ARID2: variants seen among roughly 807,000 people sequenced by gnomAD.
ARID2 encodes AT-rich interaction domain 2.
In ARID2, 32 loss-of-function variants were observed where a neutral mutation model predicts 184.6. The ratio of observed to expected loss-of-function variants is 0.17; its 90% CI spans 0.13 to 0.23. The LOEUF (loss-of-function observed/expected upper bound fraction) is 0.23, where lower values mean the gene tolerates loss of function less well. Ranked by LOEUF, ARID2 falls within the 10% of genes least tolerant of loss-of-function variation. The probability of loss-of-function intolerance (pLI) is 1.00; values close to 1 mark genes in which losing one functional copy is unlikely to be tolerated. For missense variants in ARID2, 1,696 were observed against 2,197.6 expected (o/e 0.77, Z 4.56); for synonymous variants, 836 against 772.6 (o/e 1.08, Z -1.36).
chr12:45,837,058 T>C (rs2138129207), intron 8 of ARID2, 67 bp downstream of exon 8: 6 of 1,540,618 alleles, frequency 3.9e-6, no homozygotes, highest in Non-Finnish European at 5.2e-6. Flanking sequence ...AATTTTAGGA[T>C]GTGGCATTTT....
chr12:45,796,257 A>C (rs1435073231), intron 3 of ARID2, among the ~76,000 whole-genome samples: 2 of 151,870 alleles, frequency 1.3e-5, no homozygotes, highest in Non-Finnish European at 2.9e-5. Context: ...TTTTTTTCTA[A>C]TTTTTACATA....
At chr12:45,748,161 G>C (rs1257918656) in intron 3 of ARID2, among the ~76,000 whole-genome samples, 1 of 152,172 alleles carries the variant, frequency 6.6e-6, no homozygotes, top group Non-Finnish European at 1.5e-5. Context: ...CCAGGAGTTT[G>C]AGACAACCTA....
intron 20 of ARID2, 60 bp from the exon 21 acceptor site, chr12:45,904,874 T>A: frequency 6.3e-7 from 1 of 1,578,248 alleles, no homozygotes; most frequent in Non-Finnish European, 8.6e-7. Context: ...GCAAAATTCA[T>A]GATAAAGAGT....
intron 3 of ARID2, among the ~76,000 whole-genome samples, chr12:45,743,380 G>T (rs1941299375): frequency 6.6e-6 from 1 of 151,840 alleles, no homozygotes; most frequent in Non-Finnish European, 1.5e-5. Flanking sequence ...AAAAAAAAGA[G>T]AGACAAATTT....
intron 3 of ARID2, among the ~76,000 whole-genome samples, chr12:45,771,425 G>T (rs1941874245): frequency 6.6e-6 from 1 of 151,450 alleles, no homozygotes; most frequent in African/African-American, 2.4e-5. Context: ...AGTACCTTGG[G>T]AAGTTGAGGC....
At chr12:45,800,391 A>C (rs909788276) in intron 3 of ARID2, among the ~76,000 whole-genome samples, 4 of 152,186 alleles carry the variant, frequency 2.6e-5, no homozygotes, top group African/African-American at 9.7e-5. Context: ...TTTATTGAGA[A>C]TAACATGAGC....
chr12:45,904,399 GT>G, intron 20 of ARID2: 1 of 711,324 alleles, frequency 1.4e-6, no homozygotes. Flanking sequence ...ATTTAGAAAG[GT>G]ACTATGGAGA....
At chr12:45,752,030 TAGC>T (rs1438648137) in intron 3 of ARID2, among the ~76,000 whole-genome samples, 6 of 152,208 alleles carry the variant, frequency 3.9e-5, no homozygotes, top group Non-Finnish European at 2.9e-5. Context: ...GGACTTTAAT[TAGC>T]AGAGACCTCA....
rs768616829 is a variant in ARID2 at position 45,852,573 on chromosome 12, A to G, written c.4450A>G (p.Ile1484Val). The stretch of plus-strand genomic sequence containing the variant: ...CTCTGTTATACAGGGACATCAAATC[A>G]TAGCAGTTCCCGACTCAGGATCAAA... ...TTSVIQGHQI[I>V]AVPDSGSKVS... The change falls in exon 15 of 21, where the codon ATA becomes GTA. Residue 1484 changes from isoleucine to valine, a missense_variant. By Grantham distance (29) the Ile-to-Val change is conservative. Transcript: ENST00000334344. 4.3e-6 allele frequency: 7 copies of G among 1,614,064 alleles called. No individual in the cohort carries two copies. Among genetic ancestry groups the G allele is most frequent in the South Asian group, 2.2e-5 (2 of 91,094 alleles).
At chr12:45,879,819 ATG>A (rs929185007) in intron 16 of ARID2, among the ~76,000 whole-genome samples, 1 of 152,190 alleles carries the variant, frequency 6.6e-6, no homozygotes, top group Non-Finnish European at 1.5e-5. Context: ...TGTATAAATA[ATG>A]TGTGATTGTA....
intron 20 of ARID2, among the ~76,000 whole-genome samples, chr12:45,899,415 T>C (rs572183164): frequency 3.8e-4 from 56 of 145,728 alleles, no homozygotes; most frequent in East Asian, 1.2e-3. Context: ...CCATCCTGGC[T>C]AACACAGTGA....
intron 3 of ARID2, among the ~76,000 whole-genome samples, chr12:45,760,594 A>G (rs1941657775): frequency 6.6e-6 from 1 of 151,934 alleles, no homozygotes; most frequent in African/African-American, 2.4e-5. Context: ...GACTGTATAT[A>G]TGTGTATCTA....
At chr12:45,779,294 A>G (rs1942044662) in intron 3 of ARID2, among the ~76,000 whole-genome samples, 1 of 152,118 alleles carries the variant, frequency 6.6e-6, no homozygotes, top group Non-Finnish European at 1.5e-5. Context: ...CACTGATCCA[A>G]TTTAACATCC....
At position 45,905,163 on chromosome 12, in the gene ARID2, G is replaced by A. The variant is rs1944508275; in HGVS notation, c.*85G>A. The stretch of plus-strand genomic sequence containing the variant: ...CTGAAGAAAGCACCAAGTCTTAATG[G>A]AACAAAGACCATAGAATGAATTATT... On this transcript the variant is annotated 3_prime_UTR_variant, in exon 21 of 21. Coordinates refer to ENST00000334344, the MANE Select transcript of ARID2 (RefSeq NM_152641.4). The A allele has an allele frequency of 4.4e-6, 6 of 1,361,132 alleles. No homozygotes were observed. In the South Asian group the frequency reaches 7.4e-5, roughly 17 times the overall value. 84.3% of individuals were successfully genotyped at this position (1,361,132 alleles called of 1,614,324 possible).
In ARID2 at chr12:45,851,405, C is replaced by T. The variant is rs1257251491; in HGVS notation, c.3282C>T (p.Ser1094=). The part of the protein sequence containing the change: ...IPPPNNARAP[S]PQVVYQVASN... ...CCCCTAATAATGCAAGAGCTCCTAG[C>T]CCTCAGGTGGTCTATCAGGTGGCCA... Residue 1094 remains serine, a synonymous_variant, in exon 15 of 21, where the codon AGC becomes AGT. Transcript: ENST00000334344. 1 of 1,614,030 alleles carries T rather than the reference C, an allele frequency of 6.2e-7. No homozygotes were observed. The highest frequency in any genetic ancestry group is 1.3e-5 in the African/African-American group (1 of 74,904).
chr12:45,866,080 T>C (rs550836320), intron 16 of ARID2, among the ~76,000 whole-genome samples: 3 of 152,132 alleles, frequency 2.0e-5, no homozygotes, highest in Non-Finnish European at 4.4e-5. Flanking sequence ...ACATGTATAC[T>C]TTGTTTCTTA....
intron 3 of ARID2, among the ~76,000 whole-genome samples, chr12:45,744,941 T>G (rs11183192): frequency 6.6e-6 from 1 of 152,014 alleles, no homozygotes; most frequent in Non-Finnish European, 1.5e-5. Context: ...CCTCCTTCTT[T>G]GGCCCCCTCT....
intron 3 of ARID2, among the ~76,000 whole-genome samples, chr12:45,801,692 A>G (rs1437322071): frequency 6.6e-6 from 1 of 152,212 alleles, no homozygotes; most frequent in African/African-American, 2.4e-5. Flanking sequence ...GACATTCTGC[A>G]AAATCGCCAC....
chr12:45,839,763 C>T (rs573351006), intron 11 of ARID2: 3 of 309,152 alleles, frequency 9.7e-6, no homozygotes, highest in Admixed American at 4.6e-5. Context: ...TTCATAATTA[C>T]GATAGCTATA....
Sources: gnomAD v4.1 joint callset for allele counts (sites outside exome capture counted in the v4.1 genomes callset) on GRCh38, gnomAD v4.1.1 for gene constraint, MANE v1.5 for transcripts, NCBI Gene and HGNC (gene_info 2026-07-23, HGNC 2026-07-21) for gene names.